PCDHA1: variants seen among roughly 807,000 people sequenced by gnomAD.
PCDHA1 encodes the protein protocadherin alpha-1.
Under a neutral mutation model 61.3 loss-of-function variants are expected in PCDHA1, and 42 were observed. That is an observed-to-expected ratio of 0.69 (90% CI 0.54 to 0.89). The LOEUF (loss-of-function observed/expected upper bound fraction) is 0.89, where lower values mean the gene tolerates loss of function less well. PCDHA1 is among the 40% of genes least tolerant of loss of function. The probability of loss-of-function intolerance (pLI) is 0.00; values close to 1 mark genes in which losing one functional copy is unlikely to be tolerated. For synonymous variants in PCDHA1, 610 were observed against 553.8 expected (o/e 1.10, Z -1.43); for missense variants, 1,256 against 1,235.3 (o/e 1.02, Z -0.25).
At chr5:140,937,302 G>T (rs1554211521) in intron 1 of PCDHA1, among the ~76,000 whole-genome samples, 4 of 152,094 alleles carry the variant, frequency 2.6e-5, no homozygotes, top group African/African-American at 9.7e-5. Flanking sequence ...CTCCCAAAGT[G>T]CTGGGATTAC....
At chr5:140,905,333 T>A (rs180881008) in intron 1 of PCDHA1, among the ~76,000 whole-genome samples, 2 of 152,324 alleles carry the variant, frequency 1.3e-5, no homozygotes, top group Admixed American at 1.3e-4. Flanking sequence ...TTGTTGAAGA[T>A]CAGTTGGCTG....
intron 1 of PCDHA1, among the ~76,000 whole-genome samples, chr5:140,917,241 C>G (rs1383271236): frequency 6.7e-6 from 1 of 150,002 alleles, no homozygotes; most frequent in Non-Finnish European, 1.5e-5. Context: ...AATCTAGGTA[C>G]TACGATTGCT....
intron 1 of PCDHA1, among the ~76,000 whole-genome samples, chr5:140,969,939 G>A (rs188120855): frequency 4.6e-5 from 7 of 152,340 alleles, no homozygotes; most frequent in Admixed American, 2.6e-4. Context: ...ACATCATACT[G>A]AAGCTAAAGT....
In PCDHA1 at chr5:141,011,141, A is replaced by G. The variant is rs1039778930; in HGVS notation, c.*1204A>G. 3.9e-5 allele frequency: 6 copies of G among 153,668 alleles called. No homozygotes were observed. In the Admixed American group the frequency reaches 3.9e-4, roughly 10 times the overall value. The allele number at this position is 153,668 out of a possible 1,614,324, so 9.5% of individuals were successfully genotyped here. On this transcript the variant is annotated 3_prime_UTR_variant, in exon 4 of 4. Coordinates refer to ENST00000504120, the MANE Select transcript of PCDHA1 (RefSeq NM_018900.4). Reference sequence around the variant, plus strand: ...ACAATTATGTGCACTTTGATACACAACCTTCTCTAACCAACTATATATCAA... The same window carrying G: ...ACAATTATGTGCACTTTGATACACAGCCTTCTCTAACCAACTATATATCAA...
At chr5:140,797,475 T>A (rs782770758) in intron 1 of PCDHA1, 1 of 1,142,964 alleles carries the variant, frequency 8.7e-7, no homozygotes, top group Non-Finnish European at 1.2e-6. Context: ...ACCGTGCGAT[T>A]TTGAATATGA....
chr5:140,917,449 C>T (rs1290889939), intron 1 of PCDHA1, among the ~76,000 whole-genome samples: 2 of 152,006 alleles, frequency 1.3e-5, no homozygotes, highest in Admixed American at 6.6e-5. Context: ...GCTGCAAGAG[C>T]GTTTGGCATC....
At chr5:140,809,588 C>T (rs531817077) in intron 1 of PCDHA1, 19 of 1,541,288 alleles carry the variant, frequency 1.2e-5, no homozygotes, top group Non-Finnish European at 1.7e-5. Flanking sequence ...TGTATAACAT[C>T]CTTTTGTTTA....
intron 1 of PCDHA1, chr5:140,809,534 G>T: frequency 6.2e-7 from 1 of 1,613,938 alleles, no homozygotes; most frequent in South Asian, 1.1e-5. Context: ...TAGGGACAGA[G>T]AAGATCAGCT....
In PCDHA1 at chr5:140,787,957, T is replaced by C. The variant is rs1554118067; in HGVS notation, c.1667T>C (p.Leu556Pro). The C allele has an allele frequency of 2.5e-6, 4 of 1,613,788 alleles. No homozygotes were observed. The East Asian group carries it at 6.7e-5, about 27-fold the overall frequency. ...AACGTGACGCTGCAGGTGTTCGTGC[T>C]GGACGAGAACGACAACGCGCCGGCG... is the stretch of plus-strand genomic sequence containing the variant. ...GSNVTLQVFV[L>P]DENDNAPALL... Residue 556 changes from leucine (L) to proline (P), a missense_variant, in exon 1 of 4, where the codon CTG becomes CCG. Coordinates refer to ENST00000504120, the MANE Select transcript of PCDHA1 (RefSeq NM_018900.4).
Position 140,803,378 on chromosome 5 carries a change from AACCGAAGGC to A in PCDHA1, c.2394+14695_2394+14703del, listed in dbSNP as rs1554122767. 3.1e-6 allele frequency: 5 copies of A among 1,614,214 alleles called. 1 individual carries two copies. The South Asian group carries it at 5.5e-5, about 18-fold the overall frequency. Reference sequence around the variant, plus strand: ...CTGCTCTGCGGTGCTCCGCGCCGCCAACCGAAGGCGACTGTGGGCCGGGCAAGCCCACGC... The same window carrying A: ...CTGCTCTGCGGTGCTCCGCGCCGCCAGACTGTGGGCCGGGCAAGCCCACGC... On this transcript the variant is annotated intron_variant, in intron 1 of 3. Coordinates refer to ENST00000504120, the MANE Select transcript of PCDHA1 (RefSeq NM_018900.4).
chr5:140,926,065 G>A (rs1302106382), intron 1 of PCDHA1, among the ~76,000 whole-genome samples: 3 of 152,176 alleles, frequency 2.0e-5, no homozygotes, highest in Non-Finnish European at 2.9e-5. Context: ...TCCCCTCCTT[G>A]TCGTCTCTAT....
intron 1 of PCDHA1, among the ~76,000 whole-genome samples, chr5:140,962,807 C>T (rs1463442901): frequency 5.3e-5 from 8 of 152,220 alleles, no homozygotes; most frequent in Non-Finnish European, 1.0e-4. Flanking sequence ...CAACTCTAAA[C>T]ATCAGAGATG....
At chr5:140,857,085 C>T in intron 1 of PCDHA1, 2 of 1,596,752 alleles carry the variant, frequency 1.3e-6, no homozygotes, top group Non-Finnish European at 8.6e-7. Context: ...AATGATAATT[C>T]ACCTGAGGTG....
intron 1 of PCDHA1, among the ~76,000 whole-genome samples, chr5:140,875,128 C>A (rs1554167491): frequency 6.6e-6 from 1 of 152,068 alleles, no homozygotes; most frequent in East Asian, 1.9e-4. Context: ...ATTAACTAAA[C>A]CCGCATTTAT....
intron 1 of PCDHA1, among the ~76,000 whole-genome samples, chr5:140,833,285 G>A (rs1166936002): frequency 1.3e-5 from 2 of 152,118 alleles, no homozygotes; most frequent in Non-Finnish European, 2.9e-5. Flanking sequence ...ATTTAGGAAA[G>A]CATCTGAATA....
chr5:140,877,218 G>C (rs781819579), intron 1 of PCDHA1: 1 of 1,613,726 alleles, frequency 6.2e-7, no homozygotes, highest in South Asian at 1.1e-5. Context: ...AGTTGGTACC[G>C]CGGTCGGTGG....
At chr5:140,825,959 T>C (rs1434784676) in intron 1 of PCDHA1, 5 of 152,496 alleles carry the variant, frequency 3.3e-5, no homozygotes, top group African/African-American at 1.2e-4. Context: ...ATTTGTCTAC[T>C]CTTTTGAGGG....
chr5:140,839,001 C>T (rs1775989279), intron 1 of PCDHA1, among the ~76,000 whole-genome samples: 1 of 151,970 alleles, frequency 6.6e-6, no homozygotes, highest in Admixed American at 6.6e-5. Context: ...TTCTAATATA[C>T]TTTAGTAAAT....
intron 1 of PCDHA1, chr5:140,807,517 A>G (rs3822347): frequency 0.53 from 849,109 of 1,611,782 alleles, 224,501 homozygotes; most frequent in Middle Eastern, 0.58. Flanking sequence ...AGGTGATCGT[A>G]GACAGGCCGC....
Sources: allele counts gnomAD v4.1 joint callset (sites outside exome capture counted in the v4.1 genomes callset), GRCh38; gene constraint gnomAD v4.1.1; transcripts MANE v1.5; gene names NCBI Gene and HGNC (gene_info 2026-07-23, HGNC 2026-07-21).